Variants in ESPNL observed in about 807,000 individuals in gnomAD.
The protein encoded by ESPNL is espin-like protein.
Under a neutral mutation model 46.8 loss-of-function variants are expected in ESPNL, and 49 were observed. That is an observed-to-expected ratio of 1.05 (90% CI 0.83 to 1.33). ESPNL has a LOEUF of 1.33. Among genes scored for constraint, ESPNL ranks in the 40% most tolerant of loss-of-function variants. The pLI, the probability that ESPNL is intolerant of heterozygous loss-of-function variation, is 0.00. For missense variants in ESPNL, 1,540 were observed against 1,436.6 expected, an observed-to-expected ratio of 1.07 and a Z score of -1.16; for synonymous variants, 664 against 662.1, an observed-to-expected ratio of 1.00 and a Z score of -0.04.
intron 2 of ESPNL, among the ~76,000 whole-genome samples, chr2:238,103,884 G>A (rs935414): frequency 3.9e-5 from 6 of 152,080 alleles, no homozygotes; most frequent in South Asian, 4.1e-4. Flanking sequence ...AGGCTGCTAG[G>A]GGGCTGGTAC....
intron 7 of ESPNL, among the ~76,000 whole-genome samples, chr2:238,128,021 C>CAGGGGTGCTCCGTGCCCGCT (rs1261370901): frequency 6.6e-6 from 1 of 152,200 alleles, no homozygotes; most frequent in Non-Finnish European, 1.5e-5. Context: ...CCTCTGAGCT[C>CAGGGGTGCTCCGTGCCCGCT]AGGGGTGCTC....
chr2:238,108,072 A>T, intron 4 of ESPNL, 99 bp downstream of exon 4: 5 of 1,120,144 alleles, frequency 4.5e-6, no homozygotes, highest in Non-Finnish European at 6.3e-6. Flanking sequence ...AAGAGTGATG[A>T]CCCTCTTTTA....
Position 238,131,263 on chromosome 2 carries a change from A to T in ESPNL, c.2549A>T (p.Tyr850Phe). 6.3e-7 allele frequency: 1 copy of T among 1,576,262 alleles called. No individual in the cohort carries two copies. The highest frequency in any genetic ancestry group is 8.6e-7 in the Non-Finnish European group (1 of 1,163,346). Residue 850 changes from tyrosine (Y) to phenylalanine (F), a missense_variant, in exon 9 of 9, where the codon TAC becomes TTC. Tyr to Phe is a conservative substitution (Grantham distance 22). Coordinates refer to ENST00000343063, the MANE Select transcript of ESPNL (RefSeq NM_194312.4). ...LPHVDGAPVP[Y>F]SSLSLDLFML... ...CACGTGGACGGGGCTCCGGTGCCCT[A>T]CAGCAGCCTCTCACTGGATCTCTTC...
In ESPNL at chr2:238,125,291, C is replaced by A; in HGVS notation, c.1009C>A (p.Pro337Thr). 6.5e-7 allele frequency: 1 copy of A among 1,537,920 alleles called. No homozygotes were observed. Among genetic ancestry groups the A allele is most frequent in the Non-Finnish European group, 8.8e-7 (1 of 1,141,822 alleles). The change falls in exon 6 of 9, where the codon CCA becomes ACA. Residue 337 changes from proline (P) to threonine (T), a missense_variant. Physicochemically the swap from Pro to Thr is conservative, Grantham distance 38. Transcript: ENST00000343063. ...ACAGGTGCCCCTGCTGATGACGCCC[C>A]CACCACCACCGTTCCCCCCACCTCC... ...AQPVPLLMTP[P>T]PPPFPPPPLL...
rs1559269304 is a variant in ESPNL at position 238,130,284 on chromosome 2, C to T, written c.1570C>T (p.Gln524Ter). The T allele has an allele frequency of 6.2e-7, 1 of 1,607,512 alleles. No individual in the cohort carries two copies. The highest frequency in any genetic ancestry group is 1.3e-5 in the African/African-American group (1 of 74,842). The change falls in exon 9 of 9, where the codon CAG becomes TAG. Residue 524 changes from glutamine to a stop codon, truncating the protein, a stop_gained. Coordinates refer to ENST00000343063, the MANE Select transcript of ESPNL (RefSeq NM_194312.4). LOFTEE classifies it low-confidence loss of function (END_TRUNC). ...AGACCTGCAGCTTCGGCGCCGCTGT[C>T]AGGAGTATGAGAGTGAGCTGGGCCG... The part of the protein sequence containing the change: ...IADLQLRRRC[Q>*]EYESELGRLA...
At chr2:238,120,489 C>T (rs1691961690) in intron 5 of ESPNL, among the ~76,000 whole-genome samples, 1 of 152,270 alleles carries the variant, frequency 6.6e-6, no homozygotes, top group African/African-American at 2.4e-5. Flanking sequence ...GCGCCTCTGC[C>T]TTCTGTCCCC....
At chr2:238,123,725 G>A (rs1692038051) in intron 5 of ESPNL, among the ~76,000 whole-genome samples, 1 of 152,220 alleles carries the variant, frequency 6.6e-6, no homozygotes, top group Admixed American at 6.5e-5. Flanking sequence ...TGCAGTTCGC[G>A]TCTGAGGGCC....
chr2:238,129,942 G>A (rs1465656199), intron 8 of ESPNL, among the ~76,000 whole-genome samples, 186 bp from the exon 9 acceptor site: 1 of 152,284 alleles, frequency 6.6e-6, no homozygotes, highest in Non-Finnish European at 1.5e-5. Context: ...ACAGGGTTGA[G>A]AGCAGAGCAA....
chr2:238,104,831 G>T lies in ESPNL; in HGVS notation c.661G>T (p.Val221Phe). ...CGCCGCCCGTGGCCACTACTCCCTCGTCGTCTGGCTGGTAAGTGGGTGCCA... is the reference window on the plus strand; with the variant it reads ...CGCCGCCCGTGGCCACTACTCCCTCTTCGTCTGGCTGGTAAGTGGGTGCCA... ...AAAARGHYSLVVWLVTFTDIG... is the reference protein window; with the variant it reads ...AAAARGHYSLFVWLVTFTDIG... The change falls in exon 3 of 9, where the codon GTC (valine) becomes TTC (phenylalanine). Residue 221 changes from valine (V) to phenylalanine (F), a missense_variant. Coordinates refer to ENST00000343063, the MANE Select transcript of ESPNL (RefSeq NM_194312.4). The T allele has an allele frequency of 6.6e-7, 1 of 1,516,872 alleles. No individual in the cohort carries two copies. Among genetic ancestry groups the T allele is most frequent in the Non-Finnish European group, 8.8e-7 (1 of 1,131,060 alleles). The allele number at this position is 1,516,872 out of a possible 1,614,324, so 94.0% of individuals were successfully genotyped here.
At chr2:238,118,753 GGATGGAGGAGGGTGGATGGAGGAGGGGA>G (rs879709386) in intron 5 of ESPNL, among the ~76,000 whole-genome samples, 24,929 of 110,508 alleles carry the variant, frequency 0.23, 5,621 homozygotes, top group African/African-American at 0.36. Flanking sequence ...GCAGGAGGAT[GGATGGAGGAGGGTGGATGGAGGAGGGGA>G]GATGGAGGAG....
Position 238,125,333 on chromosome 2 carries a change from C to A in ESPNL, c.1051C>A (p.Arg351Ser). The change falls in exon 6 of 9, where the codon CGC becomes AGC. Residue 351 changes from arginine (R) to serine (S), a missense_variant. Arg to Ser is a moderately radical substitution (Grantham distance 110, BLOSUM62 -1). Transcript: ENST00000343063. Reference protein sequence around the residue: ...FPPPPLLATRRSLEDGRRGGP... With the variant: ...FPPPPLLATRSSLEDGRRGGP... ...CCCACCTCCACTGTTGGCCACGAGG[C>A]GCTCCCTGGAGGATGGAAGAAGAGG... The A allele has an allele frequency of 2.5e-6, 4 of 1,574,520 alleles. No individual in the cohort carries two copies. The South Asian group carries it at 3.5e-5, about 14-fold the overall frequency.
Position 238,130,941 on chromosome 2 carries a change from A to G in ESPNL, c.2227A>G (p.Met743Val). The change falls in exon 9 of 9, where the codon ATG becomes GTG. Residue 743 changes from methionine (M) to valine (V), a missense_variant. Transcript: ENST00000343063. ...LASLRKERIIMLFLSHWRRSA... is the reference protein window; with the variant it reads ...LASLRKERIIVLFLSHWRRSA... ...CAGCCTGCGCAAGGAGCGCATCATC[A>G]TGCTCTTCCTCAGCCACTGGAGGAG... The G allele has an allele frequency of 6.5e-7, 1 of 1,549,942 alleles. No individual in the cohort carries two copies. The highest frequency in any genetic ancestry group is 2.0e-5 in the Admixed American group (1 of 51,236).
intron 3 of ESPNL, 142 bp from the exon 4 acceptor site, chr2:238,107,649 C>A: frequency 1.2e-6 from 1 of 850,958 alleles, no homozygotes; most frequent in Non-Finnish European, 1.8e-6. Context: ...CTCAGCCAGC[C>A]CTGTCCGGGG....
In ESPNL at chr2:238,131,026, CG is replaced by C; in HGVS notation, c.2316del (p.Leu773CysfsTer54). On this transcript the variant is annotated frameshift_variant, in exon 9 of 9. Transcript: ENST00000343063. LOFTEE classifies it low-confidence loss of function (END_TRUNC). Reference protein sequence around the residue: ...VACRTLGARHAGLRGQEAARS... With the variant: ...VACRTLGARHXGLRGQEAARS... ...TGCAGGACCCTAGGAGCCCGCCACG[CG>C]GGGTTGCGGGGCCAGGAGGCCGCCA... 1.3e-6 allele frequency: 2 copies of C among 1,539,204 alleles called. No homozygotes were observed. The highest frequency in any genetic ancestry group is 1.7e-6 in the Non-Finnish European group (2 of 1,143,522).
intron 3 of ESPNL, among the ~76,000 whole-genome samples, chr2:238,106,337 G>T (rs923753389): frequency 2.6e-5 from 4 of 152,188 alleles, no homozygotes; most frequent in Non-Finnish European, 4.4e-5. Context: ...CCTGCTCACC[G>T]TGTCCCCGGG....
At chr2:238,105,545 C>A (rs1421654790) in intron 3 of ESPNL, among the ~76,000 whole-genome samples, 3 of 150,464 alleles carry the variant, frequency 2.0e-5, no homozygotes, top group Non-Finnish European at 3.0e-5. Flanking sequence ...GTAGAGGAGG[C>A]CCTCTTTGAG....
chr2:238,101,654 G>A (rs561614142), intron 1 of ESPNL, among the ~76,000 whole-genome samples: 7 of 152,204 alleles, frequency 4.6e-5, no homozygotes, highest in South Asian at 2.1e-4. Flanking sequence ...ACCCGACTGC[G>A]TGGGAAAGGG....
intron 5 of ESPNL, among the ~76,000 whole-genome samples, chr2:238,122,522 G>T (rs1360646609): frequency 6.6e-6 from 1 of 152,216 alleles, no homozygotes; most frequent in East Asian, 1.9e-4. Context: ...GGGACCTCGA[G>T]TAAGGTCCCC....
intron 3 of ESPNL, among the ~76,000 whole-genome samples, chr2:238,106,261 G>T (rs1691596458): frequency 6.7e-6 from 1 of 148,544 alleles, no homozygotes; most frequent in South Asian, 2.3e-4. Flanking sequence ...AAGGAACAGG[G>T]GGCCTGGTCC....
Sources: allele counts gnomAD v4.1 joint callset (sites outside exome capture counted in the v4.1 genomes callset), GRCh38; gene constraint gnomAD v4.1.1; transcripts MANE v1.5; gene names NCBI Gene and HGNC (gene_info 2026-07-23, HGNC 2026-07-21).